The following GRM6 variants were observed in gnomAD, a reference collection of about 807,000 sequenced individuals.
GRM6 encodes the protein metabotropic glutamate receptor 6.
A neutral mutation model predicts 78.4 loss-of-function variants in GRM6; 73 were observed. That is an observed-to-expected ratio of 0.93 (90% CI 0.77 to 1.13). The LOEUF is 1.13. Ranked by LOEUF, GRM6 falls within the 50% of genes most tolerant of loss-of-function variation. GRM6 has a pLI of 0.00. For missense variants in GRM6, 1,251 were observed against 1,256.4 expected (o/e 1.00, Z 0.07); for synonymous variants, 580 against 555.0 (o/e 1.05, Z -0.63).
Position 178,981,770 on chromosome 5 carries a change from A to T in GRM6, c.2521T>A (p.Tyr841Asn). ...SLGMLYVPKT[Y>N]VILFHPEQNV... ...TGCTCTGGATGGAAGAGGATGACGT[A>T]GGTTTTGGGTACGTAGAGCATGCCG... The change falls in exon 11 of 11, where the codon TAC (tyrosine) becomes AAC (asparagine). Residue 841 changes from tyrosine to asparagine, a missense_variant. Physicochemically the swap from Tyr to Asn is moderately radical, Grantham distance 143. Coordinates refer to ENST00000517717, the MANE Select transcript of GRM6 (RefSeq NM_000843.4). The surrounding 1 kb of genome is among the most constrained non-coding windows in gnomAD (Gnocchi z 5.1). The T allele has an allele frequency of 6.2e-7, 1 of 1,613,206 alleles. No homozygotes were observed. The highest frequency in any genetic ancestry group is 8.5e-7 in the Non-Finnish European group (1 of 1,179,134).
chr5:178,985,951 A>G (rs1760531858), intron 9 of GRM6, among the ~76,000 whole-genome samples, 179 bp downstream of exon 9: 1 of 152,128 alleles, frequency 6.6e-6, no homozygotes, highest in Non-Finnish European at 1.5e-5. Context: ...TTGCAGAGAC[A>G]GGGTCATGCC....
At position 178,994,441 on chromosome 5, in the gene GRM6, C is replaced by T. The variant is rs1230438673; in HGVS notation, c.504G>A (p.Ala168=). The change falls in exon 2 of 11, where the codon GCG becomes GCA. Residue 168 remains alanine (A), a splice_region_variant and synonymous_variant. Coordinates refer to ENST00000517717, the MANE Select transcript of GRM6 (RefSeq NM_000843.4). The part of the protein sequence containing the change: ...IMVANVLRLF[A]IPQISYASTA... ...CCGAGCCCGGCCCCGCGGCCCTCAC[C>T]GCAAACAGGCGCAGCACGTTGGCGA... 2 of 1,491,452 alleles carry T rather than the reference C, an allele frequency of 1.3e-6. No individual in the cohort carries two copies. The highest frequency in any genetic ancestry group is 1.8e-6 in the Non-Finnish European group (2 of 1,126,566). The allele number at this position is 1,491,452 out of a possible 1,614,324, so 92.4% of individuals were successfully genotyped here.
intron 9 of GRM6, chr5:178,983,461 C>G (rs1180799532): frequency 7.3e-6 from 5 of 688,808 alleles, no homozygotes; most frequent in Non-Finnish European, 8.0e-6. Context: ...CGGAGAAGGG[C>G]TGTGCCGCCC....
chr5:178,991,831 T>G lies in GRM6; in HGVS notation c.721+36A>C. 2.6e-6 allele frequency: 4 copies of G among 1,561,086 alleles called. No homozygotes were observed. Among genetic ancestry groups the G allele is most frequent in the Non-Finnish European group, 3.5e-6 (4 of 1,133,398 alleles). ...AACTGAGGGCCCCGGGCCCACACTA[T>G]GTAGACTCCTTGGTGCCTCGGAGCC... On this transcript the variant is annotated intron_variant, in intron 3 of 10. Coordinates refer to ENST00000517717, the MANE Select transcript of GRM6 (RefSeq NM_000843.4). The surrounding 1 kb of genome is among the most constrained non-coding windows in gnomAD (Gnocchi z 5.0).
rs780401469 is a variant in GRM6, at chr5:178,982,943, G to A, written c.2403C>T (p.Pro801=). 1 of 1,614,076 alleles carries A rather than the reference G, an allele frequency of 6.2e-7. No individual in the cohort carries two copies. The highest frequency in any genetic ancestry group is 8.5e-7 in the Non-Finnish European group (1 of 1,179,926). ...TTCIIWLAFV[P]IFFGTAQSAE... ...CTGACTGGGCAGTGCCAAAGAAGAT[G>A]GGCACGAATGCCAGCCAGATGATGC... is the stretch of plus-strand genomic sequence containing the variant. The change falls in exon 10 of 11, where the codon CCC becomes CCT. Residue 801 remains proline (P), a synonymous_variant. Transcript: ENST00000517717.
chr5:178,985,608 C>T (rs558118519), intron 9 of GRM6: 7 of 352,282 alleles, frequency 2.0e-5, no homozygotes, highest in Admixed American at 2.0e-4. Context: ...GAGGCTGAGG[C>T]AGGAGAATGG....
rs139246793 is a variant in GRM6 at position 178,984,874 on chromosome 5, C to G, written c.2124+1256G>C. ...TGTTCGCACTGAGGCCACCCTCCAC[C>G]TGGCCCTGAGAACCCAGCTGGCCCT... On this transcript the variant is annotated intron_variant, in intron 9 of 10. Coordinates refer to ENST00000517717, the MANE Select transcript of GRM6 (RefSeq NM_000843.4). Among the ~76,000 whole-genome samples, 517 of 152,280 alleles carry G rather than the reference C, an allele frequency of 3.4e-3. 3 individuals are homozygous for G. The highest frequency in any genetic ancestry group is 8.2e-3 in the Admixed American group (125 of 15,296).
In GRM6 at chr5:178,991,305, G is replaced by GA. The variant is rs1302834239; in HGVS notation, c.857+118_857+119insT. Reference sequence around the variant, plus strand: ...CAGAGGCAGCAGCAGGGAAGGTGGGGGGTGCGGGGAGCAGGGGAAAGGGAG... The same window carrying GA: ...CAGAGGCAGCAGCAGGGAAGGTGGGGAGGTGCGGGGAGCAGGGGAAAGGGAG... On this transcript the variant is annotated intron_variant, in intron 4 of 10. Transcript: ENST00000517717. This position sits in a 1 kb window ranked among gnomAD's most constrained non-coding sequence, Gnocchi z 5.0. 2 of 1,018,114 alleles carry GA rather than the reference G, an allele frequency of 2.0e-6. No individual in the cohort carries two copies. Among genetic ancestry groups the GA allele is most frequent in the Non-Finnish European group, 3.1e-6 (2 of 649,258 alleles). The allele number at this position is 1,018,114 out of a possible 1,614,324, so 63.1% of individuals were successfully genotyped here. A position where few individuals can be genotyped will look rare whatever the true frequency, so the allele number is the denominator to read the frequency against.
Position 178,994,515 on chromosome 5 carries a change from G to A in GRM6, c.430C>T (p.Arg144Cys). The part of the protein sequence containing the change: ...VPPLRPAPPE[R>C]VVAVVGASAS... ...GAGGCGCCCACGACGGCCACGACGCGCTCGGGGGGCGCGGGGCGCAGCGGA... is the reference window on the plus strand; with the variant it reads ...GAGGCGCCCACGACGGCCACGACGCACTCGGGGGGCGCGGGGCGCAGCGGA... Residue 144 changes from arginine (R) to cysteine (C), a missense_variant, in exon 2 of 11, where the codon CGC becomes TGC. Arg to Cys is a radical substitution (Grantham distance 180). Transcript: ENST00000517717. 3 of 1,411,594 alleles carry A rather than the reference G, an allele frequency of 2.1e-6. No individual in the cohort carries two copies. The highest frequency in any genetic ancestry group is 3.1e-5 in the East Asian group (1 of 32,640). 87.4% of individuals were successfully genotyped at this position (1,411,594 alleles called of 1,614,324 possible).
chr5:178,985,910 C>T (rs759752524), intron 9 of GRM6: 18 of 585,004 alleles, frequency 3.1e-5, no homozygotes, highest in Admixed American at 8.8e-5. Flanking sequence ...TACAGGCACG[C>T]ACCACCATGC....
rs1246002839 is a variant in GRM6, at chr5:178,995,271, G to A, written c.-17+5C>T. ...ACACCCAGGCTCCCGCCCCAAGCCAGTCACCTGCGCCAGCCGCTGTCGGTT... is the reference window on the plus strand; with the variant it reads ...ACACCCAGGCTCCCGCCCCAAGCCAATCACCTGCGCCAGCCGCTGTCGGTT... On this transcript the variant is annotated splice_donor_5th_base_variant and intron_variant, in intron 1 of 10. Transcript: ENST00000517717. 1 of 156,028 alleles carries A rather than the reference G, an allele frequency of 6.4e-6. No individual in the cohort carries two copies. The highest frequency in any genetic ancestry group is 2.4e-5 in the African/African-American group (1 of 41,540). The allele number at this position is 156,028 out of a possible 1,614,324, so 9.7% of individuals were successfully genotyped here.
intron 10 of GRM6, 83 bp downstream of exon 10, chr5:178,982,827 G>T: frequency 1.0e-6 from 1 of 976,556 alleles, no homozygotes; most frequent in South Asian, 1.3e-5. Context: ...ACAAAAGCAC[G>T]AACAAGCATT....
Position 178,985,718 on chromosome 5 carries a change from A to AAC in GRM6, c.2124+410_2124+411dup, listed in dbSNP as rs1554113578. ...ACTCTGTCTAAAAAAAAAAAAACAA[A>AAC]ACAACACAGGAACCAAAATAGAAAA... On this transcript the variant is annotated intron_variant, in intron 9 of 10. Coordinates refer to ENST00000517717, the MANE Select transcript of GRM6 (RefSeq NM_000843.4). 22 of 420,968 alleles carry AAC rather than the reference A, an allele frequency of 5.2e-5. 1 individual carries two copies. The highest frequency in any genetic ancestry group is 3.8e-4 in the African/African-American group (18 of 46,874). The allele number at this position is 420,968 out of a possible 1,614,324, so 26.1% of individuals were successfully genotyped here.
chr5:178,984,301 T>C (rs943767395), intron 9 of GRM6, among the ~76,000 whole-genome samples: 2 of 149,360 alleles, frequency 1.3e-5, no homozygotes, highest in Non-Finnish European at 3.0e-5. Flanking sequence ...CACGCCTCAC[T>C]CGGAACGGAC....
Position 178,990,731 on chromosome 5 carries a change from T to C in GRM6, c.873A>G (p.Ala291=). Residue 291 remains alanine (A), a synonymous_variant, in exon 5 of 11, where the codon GCA becomes GCG. Coordinates refer to ENST00000517717, the MANE Select transcript of GRM6 (RefSeq NM_000843.4). The part of the protein sequence containing the change: ...NEDDIRRVLE[A]ARQANLTGHF... ...GGCCGGTCAGGTTGGCCTGGCGAGC[T>C]GCCTCCAGGACCCGCCTGGTAGGAG... 6 of 1,572,596 alleles carry C rather than the reference T, an allele frequency of 3.8e-6. No individual in the cohort carries two copies. Among genetic ancestry groups the C allele is most frequent in the Non-Finnish European group, 5.2e-6 (6 of 1,159,980 alleles).
rs529486410 is a variant in GRM6, at chr5:178,993,357, G to A, written c.504+1084C>T. ...AGACAGAAACTAGAGCTCTAGGCAG[G>A]GCCGGGGACACATACAGGTGGGTGA... On this transcript the variant is annotated intron_variant, in intron 2 of 10. Transcript: ENST00000517717. Among the ~76,000 whole-genome samples the A allele has an allele frequency of 4.6e-5, 7 of 152,242 alleles. No homozygotes were observed. The East Asian group carries it at 1.4e-3, about 30-fold the overall frequency.
intron 6 of GRM6, 50 bp downstream of exon 6, chr5:178,989,215 T>TCCCCCCCCCCCCCCCCCCCCC: frequency 1.1e-6 from 1 of 886,714 alleles, no homozygotes; most frequent in Non-Finnish European, 1.6e-6. Context: ...CTCCCCACCC[T>TCCCCCCCCCCCCCCCCCCCCC]CACCACCCTC....
At chr5:178,985,698 G>A (rs756391402) in intron 9 of GRM6, 48 of 310,728 alleles carry the variant, frequency 1.5e-4, no homozygotes, top group Non-Finnish European at 1.8e-4. Flanking sequence ...GCGAGACTCT[G>A]TCTAAAAAAA....
At chr5:178,983,842 C>T (rs1043535376) in intron 9 of GRM6, among the ~76,000 whole-genome samples, 7 of 152,214 alleles carry the variant, frequency 4.6e-5, no homozygotes, top group African/African-American at 1.7e-4. Context: ...AGGAACGAAG[C>T]CACCTGCATA....
Sources: gnomAD v4.1 joint callset for allele counts (sites outside exome capture counted in the v4.1 genomes callset) on GRCh38, gnomAD v4.1.1 for gene constraint, Gnocchi (gnomAD v3.1) non-coding constraint, MANE v1.5 for transcripts, NCBI Gene and HGNC (gene_info 2026-07-23, HGNC 2026-07-21) for gene names.